The following DHX35 variants were observed in gnomAD, a reference collection of about 807,000 sequenced individuals.
The protein encoded by DHX35 is probable ATP-dependent RNA helicase DHX35.
Under a neutral mutation model 99.6 loss-of-function variants are expected in DHX35, and 84 were observed. The observed-to-expected ratio is 0.84, with a 90% CI of 0.71 to 1.01. The LOEUF (loss-of-function observed/expected upper bound fraction) is 1.01, where lower values mean the gene tolerates loss of function less well. Ranked by LOEUF, DHX35 falls within the 50% of genes least tolerant of loss-of-function variation. The pLI is 0.00. For synonymous variants in DHX35, 331 were observed against 316.2 expected, an observed-to-expected ratio of 1.05 and a Z score of -0.50; for missense variants, 852 against 888.5, an observed-to-expected ratio of 0.96 and a Z score of 0.52.
rs541370722 is a variant in DHX35 at position 39,010,436 on chromosome 20, G to A, written c.1347+32G>A. On this transcript the variant is annotated intron_variant, in intron 13 of 21. Coordinates refer to ENST00000252011, the MANE Select transcript of DHX35 (RefSeq NM_021931.4). ...CCTGCCTGCTGTCTGGGGCCATAGG[G>A]AGGCTAGGGAGCTCACAGGGGGATG... 43 of 1,610,284 alleles carry A rather than the reference G, an allele frequency of 2.7e-5. No individual in the cohort carries two copies. The South Asian group carries it at 4.1e-4, about 15-fold the overall frequency.
chr20:38,994,163 T>A (rs2086386616), intron 7 of DHX35, among the ~76,000 whole-genome samples: 1 of 152,222 alleles, frequency 6.6e-6, no homozygotes, highest in Non-Finnish European at 1.5e-5. Flanking sequence ...TTAAGGGAAT[T>A]ATTGTACCAT....
rs575154762 is a variant in DHX35 at position 39,021,721 on chromosome 20, A to G, written c.1499-120A>G. ...TATATACTATACACTTTAAAAATTA[A>G]GCTCTAGAAAAAATATGATCTTAGT... On this transcript the variant is annotated intron_variant, in intron 15 of 21. Transcript: ENST00000252011. 1,342 of 975,940 alleles carry G rather than the reference A, an allele frequency of 1.4e-3. 5 individuals carry two copies. The highest frequency in any genetic ancestry group is 1.7e-3 in the Non-Finnish European group (1,087 of 622,360). 60.5% of individuals were successfully genotyped at this position (975,940 alleles called of 1,614,324 possible).
At chr20:39,033,669 C>T (rs997688575) in intron 20 of DHX35, among the ~76,000 whole-genome samples, 12 of 152,152 alleles carry the variant, frequency 7.9e-5, no homozygotes, top group African/African-American at 1.4e-4. Context: ...CTTGGCTCTT[C>T]GGTTGTCTAT....
At chr20:38,965,064 A>C (rs976127531) in intron 1 of DHX35, among the ~76,000 whole-genome samples, 1 of 151,424 alleles carries the variant, frequency 6.6e-6, no homozygotes, top group Non-Finnish European at 1.5e-5. Flanking sequence ...CACACCAATA[A>C]ATTAGAACTT....
chr20:39,020,656 C>CTTTTTT lies in DHX35; in HGVS notation c.1499-1170_1499-1165dup, dbSNP rs57246257. Among the ~76,000 whole-genome samples, 73 of 105,224 alleles carry CTTTTTT rather than the reference C, an allele frequency of 6.9e-4. 8 individuals carry two copies. Among genetic ancestry groups the CTTTTTT allele is most frequent in the African/African-American group, 1.9e-3 (50 of 26,100 alleles). The allele number at this position is 105,224 out of a possible 152,430, so 69.0% of individuals were successfully genotyped here. On this transcript the variant is annotated intron_variant, in intron 15 of 21. Transcript: ENST00000252011. Reference sequence around the variant, plus strand: ...CAGCCTTCCATTTAGAAACAGGATTCTTTTTTTTTTTTTTTTTTTTGAGAC... The same window carrying CTTTTTT: ...CAGCCTTCCATTTAGAAACAGGATTCTTTTTTTTTTTTTTTTTTTTTTTTTTGAGAC...
intron 1 of DHX35, chr20:38,962,780 T>G: frequency 3.8e-6 from 1 of 263,698 alleles, no homozygotes; most frequent in South Asian, 5.4e-5. Context: ...TGCTCGCTGC[T>G]GGAGGCTTGC....
At chr20:39,025,411 T>C (rs755058048) in intron 18 of DHX35, 52 bp downstream of exon 18, 3 of 1,595,576 alleles carry the variant, frequency 1.9e-6, no homozygotes, top group South Asian at 1.1e-5. Context: ...TTCTGTTGAG[T>C]TGTCTTCCTA....
chr20:39,022,856 G>T (rs1351405724), intron 16 of DHX35, among the ~76,000 whole-genome samples: 1 of 152,226 alleles, frequency 6.6e-6, no homozygotes, highest in Non-Finnish European at 1.5e-5. Context: ...AGTAAGGTGT[G>T]TTGATAGAGG....
intron 10 of DHX35, 33 bp downstream of exon 10, chr20:39,002,901 A>G (rs368629619): frequency 9.6e-5 from 149 of 1,552,508 alleles, no homozygotes; most frequent in Non-Finnish European, 1.2e-4. Context: ...ATGAATAGAC[A>G]TGTTAAGACA....
intron 4 of DHX35, among the ~76,000 whole-genome samples, chr20:38,984,067 G>A (rs577366426): frequency 3.9e-5 from 6 of 151,934 alleles, no homozygotes; most frequent in Non-Finnish European, 5.9e-5. Flanking sequence ...GTGCCACTAC[G>A]CCTGGCTAAT....
chr20:38,972,547 A>G lies in DHX35; in HGVS notation c.175-12A>G. On this transcript the variant is annotated splice_polypyrimidine_tract_variant and intron_variant, in intron 2 of 21. Transcript: ENST00000252011. ...TGTATGGCTATTTGCAAGGTGTGTT[A>G]TTCTTTTTCAGCTTAGGAATCATAT... 1.9e-6 allele frequency: 3 copies of G among 1,559,796 alleles called. No homozygotes were observed. The highest frequency in any genetic ancestry group is 8.8e-7 in the Non-Finnish European group (1 of 1,131,846).
chr20:38,972,990 T>A (rs2086026253), intron 3 of DHX35, among the ~76,000 whole-genome samples: 1 of 152,208 alleles, frequency 6.6e-6, no homozygotes, highest in Non-Finnish European at 1.5e-5. Context: ...TTGCTGTAGT[T>A]GTAAATAAAA....
At chr20:38,974,224 G>A (rs2086043310) in intron 3 of DHX35, among the ~76,000 whole-genome samples, 1 of 152,230 alleles carries the variant, frequency 6.6e-6, no homozygotes, top group African/African-American at 2.4e-5. Context: ...AGAAACTGGA[G>A]GAGGCAGGCC....
At chr20:38,970,261 G>A (rs748831681) in intron 2 of DHX35, among the ~76,000 whole-genome samples, 11 of 152,212 alleles carry the variant, frequency 7.2e-5, no homozygotes, top group Non-Finnish European at 7.3e-5. Context: ...ACTAGACTGT[G>A]CTGATAATTC....
intron 21 of DHX35, among the ~76,000 whole-genome samples, chr20:39,038,029 G>A (rs1432593304): frequency 6.6e-6 from 1 of 152,174 alleles, no homozygotes; most frequent in Non-Finnish European, 1.5e-5. Flanking sequence ...TTGAGCATGG[G>A]TACCTGGTGT....
intron 11 of DHX35, among the ~76,000 whole-genome samples, chr20:39,004,222 C>G (rs1165846737): frequency 6.6e-6 from 1 of 152,086 alleles, no homozygotes; most frequent in Non-Finnish European, 1.5e-5. Flanking sequence ...GCCACCACAC[C>G]CGGCTAATTT....
chr20:39,031,701 A>T (rs2087056807), intron 20 of DHX35, among the ~76,000 whole-genome samples: 1 of 152,194 alleles, frequency 6.6e-6, no homozygotes, highest in African/African-American at 2.4e-5. Flanking sequence ...GGGCTTTACT[A>T]GCAGCATGGA....
At chr20:39,021,356 G>C (rs2086869282) in intron 15 of DHX35, among the ~76,000 whole-genome samples, 1 of 152,184 alleles carries the variant, frequency 6.6e-6, no homozygotes, top group South Asian at 2.1e-4. Flanking sequence ...TTGGCTTATA[G>C]TCAGAGTCCC....
At position 38,991,436 on chromosome 20, in the gene DHX35, T is replaced by C; in HGVS notation, c.451-18T>C. On this transcript the variant is annotated intron_variant, in intron 5 of 21. Transcript: ENST00000252011. ...TGTAAGTGAATTATTTCTAAAGCTT[T>C]GTGTTTTTATTTTTTAGTTTCTTAC... 5 of 1,608,990 alleles carry C rather than the reference T, an allele frequency of 3.1e-6. No homozygotes were observed. The highest frequency in any genetic ancestry group is 4.2e-6 in the Non-Finnish European group (5 of 1,177,484).
Sources: gnomAD v4.1 joint callset for allele counts (sites outside exome capture counted in the v4.1 genomes callset) on GRCh38, gnomAD v4.1.1 for gene constraint, MANE v1.5 for transcripts, NCBI Gene and HGNC (gene_info 2026-07-23, HGNC 2026-07-21) for gene names.